The following DPYD variants were observed in gnomAD, a reference collection of about 807,000 sequenced individuals.
The protein encoded by DPYD is dihydropyrimidine dehydrogenase [NADP(+)].
DPYD carries 109 observed loss-of-function variants against 116.2 expected under a neutral mutation model. The observed-to-expected ratio is 0.94, with a 90% CI of 0.80 to 1.10. The LOEUF (loss-of-function observed/expected upper bound fraction) is 1.10. Ranked by LOEUF, DPYD falls within the 50% of genes least tolerant of loss-of-function variation. DPYD has a pLI of 0.00. For missense variants in DPYD, 1,302 were observed against 1,254.5 expected (o/e 1.04, Z -0.57); for synonymous variants, 440 against 432.0 (o/e 1.02, Z -0.23).
At chr1:97,162,095 G>C (rs2101746745) in intron 20 of DPYD, among the ~76,000 whole-genome samples, 1 of 152,058 alleles carries the variant, frequency 6.6e-6, no homozygotes, top group East Asian at 2.0e-4. Flanking sequence ...CCAGTAATGG[G>C]ATGGCTGGGT....
At chr1:97,649,413 T>C (rs1658455904) in intron 8 of DPYD, among the ~76,000 whole-genome samples, 1 of 152,090 alleles carries the variant, frequency 6.6e-6, no homozygotes, top group Admixed American at 6.6e-5. Context: ...TTTTTATAAA[T>C]GCGTTTTTAA....
chr1:97,648,608 T>C (rs1658402294), intron 8 of DPYD, among the ~76,000 whole-genome samples: 1 of 152,030 alleles, frequency 6.6e-6, no homozygotes, highest in African/African-American at 2.4e-5. Flanking sequence ...ATTTCTCCTA[T>C]AAAGACACGC....
At chr1:97,089,732 T>G (rs951585594) in intron 21 of DPYD, among the ~76,000 whole-genome samples, 1 of 148,180 alleles carries the variant, frequency 6.7e-6, no homozygotes, top group Admixed American at 6.7e-5. Context: ...AGATGTGGTG[T>G]TGATAAAAGG....
intron 12 of DPYD, among the ~76,000 whole-genome samples, chr1:97,541,078 C>A (rs1330455265): frequency 6.6e-6 from 1 of 152,138 alleles, no homozygotes; most frequent in Non-Finnish European, 1.5e-5. Flanking sequence ...CTATTTCCTT[C>A]CCTTGTTTTC....
chr1:97,565,653 G>T (rs571567997), intron 11 of DPYD, among the ~76,000 whole-genome samples: 3 of 152,170 alleles, frequency 2.0e-5, no homozygotes, highest in Non-Finnish European at 4.4e-5. Context: ...TTCCAAATGT[G>T]ATCTCAAATT....
chr1:97,513,814 A>C (rs1355828702), intron 13 of DPYD, among the ~76,000 whole-genome samples: 8 of 151,838 alleles, frequency 5.3e-5, no homozygotes. Context: ...AAATTTAATC[A>C]CTAATTAGGA....
intron 13 of DPYD, among the ~76,000 whole-genome samples, chr1:97,450,457 T>C (rs945292186): frequency 3.9e-5 from 6 of 152,112 alleles, no homozygotes; most frequent in African/African-American, 1.4e-4. Context: ...AGGTTTAGAA[T>C]AGCGCAAAAA....
At chr1:97,759,965 G>T (rs984350902) in intron 3 of DPYD, among the ~76,000 whole-genome samples, 1 of 152,076 alleles carries the variant, frequency 6.6e-6, no homozygotes, top group African/African-American at 2.4e-5. Flanking sequence ...CTAAAAACAC[G>T]CAGAAAGGAA....
At chr1:97,748,176 C>T (rs955348372) in intron 3 of DPYD, among the ~76,000 whole-genome samples, 1 of 152,082 alleles carries the variant, frequency 6.6e-6, no homozygotes, top group African/African-American at 2.4e-5. Context: ...AAGTTATTTT[C>T]CTCTCAGGAG....
chr1:97,354,449 C>A (rs1286988310), intron 16 of DPYD, among the ~76,000 whole-genome samples: 2 of 151,956 alleles, frequency 1.3e-5, no homozygotes, highest in African/African-American at 4.8e-5. Flanking sequence ...TTTTTGAGTT[C>A]CAAAGATAAA....
chr1:97,782,967 A>G (rs1382987847), intron 3 of DPYD, among the ~76,000 whole-genome samples: 1 of 152,162 alleles, frequency 6.6e-6, no homozygotes, highest in Non-Finnish European at 1.5e-5. Context: ...AATGTGCAAT[A>G]CTGTGGTGGG....
At chr1:97,117,108 G>A (rs1190528617) in intron 20 of DPYD, among the ~76,000 whole-genome samples, 1 of 151,846 alleles carries the variant, frequency 6.6e-6, no homozygotes, top group Non-Finnish European at 1.5e-5. Flanking sequence ...AGGTTGCAGT[G>A]AGCAGAGATC....
At chr1:97,164,211 T>C (rs1248022389) in intron 20 of DPYD, among the ~76,000 whole-genome samples, 1 of 152,188 alleles carries the variant, frequency 6.6e-6, no homozygotes, top group Non-Finnish European at 1.5e-5. Flanking sequence ...AAAAGGTCTT[T>C]GATAAAATTC....
At chr1:97,715,028 G>T (rs1662532222) in intron 5 of DPYD, among the ~76,000 whole-genome samples, 1 of 152,062 alleles carries the variant, frequency 6.6e-6, no homozygotes, top group Admixed American at 6.6e-5. Context: ...AACATTATTT[G>T]GAGAGTTATT....
intron 21 of DPYD, among the ~76,000 whole-genome samples, chr1:97,095,383 G>A (rs1441834502): frequency 6.6e-6 from 1 of 151,928 alleles, no homozygotes; most frequent in African/African-American, 2.4e-5. Flanking sequence ...AAATATTGAG[G>A]TCTTGGAACA....
intron 3 of DPYD, among the ~76,000 whole-genome samples, chr1:97,773,728 GAAGAGCCCAGCCA>G (rs1666259119): frequency 6.6e-6 from 1 of 152,172 alleles, no homozygotes; most frequent in Non-Finnish European, 1.5e-5. Context: ...GGTGGTTGGA[GAAGAGCCCAGCCA>G]CTGAGCTGCC....
intron 20 of DPYD, among the ~76,000 whole-genome samples, chr1:97,192,246 G>T (rs1192906861): frequency 6.6e-6 from 1 of 151,984 alleles, no homozygotes; most frequent in African/African-American, 2.4e-5. Context: ...AGAGTACCCA[G>T]GGCTTTTGTT....
intron 4 of DPYD, among the ~76,000 whole-genome samples, chr1:97,737,817 CTT>C (rs1423685162): frequency 6.6e-6 from 1 of 152,034 alleles, no homozygotes; most frequent in Non-Finnish European, 1.5e-5. Context: ...ATCAATGTAA[CTT>C]TCTTATAAAT....
At chr1:97,809,840 C>A (rs1297572220) in intron 3 of DPYD, among the ~76,000 whole-genome samples, 1 of 151,988 alleles carries the variant, frequency 6.6e-6, no homozygotes, top group Non-Finnish European at 1.5e-5. Flanking sequence ...AGAATCAGGA[C>A]AAAAGTTGGA....
Sources: allele counts gnomAD v4.1 joint callset (sites outside exome capture counted in the v4.1 genomes callset), GRCh38; gene constraint gnomAD v4.1.1; transcripts MANE v1.5; gene names NCBI Gene and HGNC (gene_info 2026-07-23, HGNC 2026-07-21).